Variants in NR5A1 observed in about 807,000 individuals in gnomAD.
NR5A1 encodes the protein nuclear receptor subfamily 5 group A member 1, also known as steroidogenic factor 1.
In NR5A1, 6 loss-of-function variants were observed where a neutral mutation model predicts 42.7. The observed-to-expected ratio is 0.14, with a 90% CI of 0.08 to 0.28. The LOEUF (loss-of-function observed/expected upper bound fraction) is 0.28. Among genes scored for constraint, NR5A1 ranks in the 10% least tolerant of loss-of-function variants. The pLI, the probability that NR5A1 is intolerant of heterozygous loss-of-function variation, is 1.00. For missense variants in NR5A1, 442 were observed against 626.4 expected, an observed-to-expected ratio of 0.71 and a Z score of 3.14; for synonymous variants, 274 against 277.5, an observed-to-expected ratio of 0.99 and a Z score of 0.12.
chr9:124,504,890 T>A (rs1465376469), intron 1 of NR5A1, among the ~76,000 whole-genome samples: 1 of 25,102 alleles, frequency 4.0e-5, no homozygotes, highest in Non-Finnish European at 9.1e-5. Flanking sequence ...CCGCCCCCCA[T>A]CCTGCCTCCC....
intron 5 of NR5A1, among the ~76,000 whole-genome samples, chr9:124,492,685 G>GC (rs1461410329): frequency 6.6e-6 from 1 of 152,070 alleles, no homozygotes; most frequent in Non-Finnish European, 1.5e-5. Context: ...CGTGGGGACT[G>GC]CCCCCCTCAT....
intron 4 of NR5A1, among the ~76,000 whole-genome samples, chr9:124,493,486 C>T (rs888886740): frequency 5.3e-5 from 8 of 152,206 alleles, no homozygotes; most frequent in Non-Finnish European, 8.8e-5. Flanking sequence ...GTTAGGTATG[C>T]CATACATGTT....
Position 124,482,463 on chromosome 9 carries a change from A to C in NR5A1, c.*295T>G, listed in dbSNP as rs1298672692. 2 of 448,996 alleles carry C rather than the reference A, an allele frequency of 4.5e-6. No individual in the cohort carries two copies. The highest frequency in any genetic ancestry group is 8.3e-6 in the Non-Finnish European group (2 of 242,080). 27.8% of individuals were successfully genotyped at this position (448,996 alleles called of 1,614,324 possible). On this transcript the variant is annotated 3_prime_UTR_variant, in exon 7 of 7. Coordinates refer to ENST00000373588, the MANE Select transcript of NR5A1 (RefSeq NM_004959.5). ...CTGCAGGCTTCAGACTCCAGGAGAG[A>C]GAGCTGGGAGCAGGGAGGGGGCGGG...
At chr9:124,485,735 A>G (rs1220837167) in intron 6 of NR5A1, among the ~76,000 whole-genome samples, 2 of 152,160 alleles carry the variant, frequency 1.3e-5, no homozygotes, top group African/African-American at 4.8e-5. Context: ...GCCCAACTGT[A>G]TGGAACAGCC....
rs770034922 is a variant in NR5A1, at chr9:124,500,274, T to C, written c.686A>G (p.Gln229Arg). Residue 229 changes from glutamine to arginine, a missense_variant, in exon 4 of 7, where the codon CAG (glutamine) becomes CGG (arginine). Physicochemically the swap from Gln to Arg is conservative, Grantham distance 43 (BLOSUM62 1). Around this residue, in one of 3 missense-constraint regions of NR5A1, gnomAD observed 208 missense variants for 203.8 expected, o/e 1.02. Coordinates refer to ENST00000373588, the MANE Select transcript of NR5A1 (RefSeq NM_004959.5). This position sits in a 1 kb window ranked among gnomAD's most constrained non-coding sequence, Gnocchi z 6.9. ...GGPNVPELIL[Q>R]LLQLEPDEDQ... ...CTCATCCGGCTCCAGCTGCAGCAGC[T>C]GCAGGATGAGCTCAGGCACGTTGGG... 13 of 1,582,304 alleles carry C rather than the reference T, an allele frequency of 8.2e-6. No individual in the cohort carries two copies. Among genetic ancestry groups the C allele is most frequent in the Non-Finnish European group, 1.1e-5 (13 of 1,164,614 alleles).
intron 1 of NR5A1, among the ~76,000 whole-genome samples, chr9:124,506,645 C>T (rs901652755): frequency 4.6e-5 from 7 of 152,192 alleles, no homozygotes; most frequent in South Asian, 2.1e-4. Flanking sequence ...CTCCAATCCC[C>T]TCTCCCCAAG....
At chr9:124,488,947 T>A (rs1271734296) in intron 6 of NR5A1, among the ~76,000 whole-genome samples, 1 of 152,224 alleles carries the variant, frequency 6.6e-6, no homozygotes, top group Non-Finnish European at 1.5e-5. Flanking sequence ...CTCTCAGGCC[T>A]CAGCTGCTGC....
chr9:124,506,712 G>T (rs1222309982), intron 1 of NR5A1, among the ~76,000 whole-genome samples: 6 of 152,162 alleles, frequency 3.9e-5, no homozygotes, highest in Admixed American at 3.9e-4. Context: ...AGGCTCCGAG[G>T]CACCCACCCC....
At chr9:124,502,874 C>T (rs1832489343) in intron 3 of NR5A1, among the ~76,000 whole-genome samples, 1 of 152,226 alleles carries the variant, frequency 6.6e-6, no homozygotes, top group Non-Finnish European at 1.5e-5. Context: ...TCAGCCCAAC[C>T]CAGGCTGGCC....
At chr9:124,491,482 C>T (rs905477966) in intron 5 of NR5A1, among the ~76,000 whole-genome samples, 7 of 152,166 alleles carry the variant, frequency 4.6e-5, no homozygotes, top group Admixed American at 1.3e-4. Flanking sequence ...ACGTTCTGCC[C>T]GCGTCCACCC....
intron 4 of NR5A1, among the ~76,000 whole-genome samples, chr9:124,495,904 G>C (rs2131282753): frequency 6.6e-6 from 1 of 152,324 alleles, no homozygotes; most frequent in South Asian, 2.1e-4. Context: ...CCCGTGCCCT[G>C]CATTCGAGCC....
intron 1 of NR5A1, among the ~76,000 whole-genome samples, chr9:124,504,024 C>CGAGAGAGAGAGAGAG (rs1554721940): frequency 9.4e-6 from 1 of 105,910 alleles, no homozygotes; most frequent in African/African-American, 5.9e-5. Flanking sequence ...GACAGGGAGA[C>CGAGAGAGAGAGAGAG]AGAGAGAGAG....
In NR5A1 at chr9:124,496,231, A is replaced by G. The variant is rs1171251848; in HGVS notation, c.871-3082T>C. On this transcript the variant is annotated intron_variant, in intron 4 of 6. Transcript: ENST00000373588. The surrounding 1 kb of genome is among the most constrained non-coding windows in gnomAD (Gnocchi z 5.0). ...ACAACCTCTTTTTATTTAAAAGAAA[A>G]CCACAGGGCCATAGCTGCCAGCCCC... Among the ~76,000 whole-genome samples the G allele has an allele frequency of 6.6e-6, 1 of 152,062 alleles. No individual in the cohort carries two copies. The highest frequency in any genetic ancestry group is 1.5e-5 in the Non-Finnish European group (1 of 67,994).
intron 4 of NR5A1, among the ~76,000 whole-genome samples, chr9:124,494,379 C>T (rs1012493827): frequency 2.0e-5 from 3 of 152,302 alleles, no homozygotes; most frequent in African/African-American, 7.2e-5. Context: ...CTCACTCACC[C>T]TCCTTGCCAT....
chr9:124,488,363 G>T (rs1184502795), intron 6 of NR5A1, among the ~76,000 whole-genome samples: 1 of 152,012 alleles, frequency 6.6e-6, no homozygotes, highest in Admixed American at 6.6e-5. Flanking sequence ...CCATCAGCTG[G>T]GGTCCTGGAA....
chr9:124,482,719 A>G lies in NR5A1; in HGVS notation c.*39T>C. 1.6e-4 allele frequency: 15 copies of G among 95,350 alleles called. No homozygotes were observed. The highest frequency in any genetic ancestry group is 2.9e-4 in the Non-Finnish European group (15 of 51,762). The allele number at this position is 95,350 out of a possible 1,614,324, so 5.9% of individuals were successfully genotyped here. A position where few individuals can be genotyped will look rare whatever the true frequency, so the allele number is the denominator to read the frequency against. On this transcript the variant is annotated 3_prime_UTR_variant, in exon 7 of 7. Coordinates refer to ENST00000373588, the MANE Select transcript of NR5A1 (RefSeq NM_004959.5). ...GCGGCCCCGCCCAGGCCCCGCCCCC[A>G]GTCCCGCCCCCAGTCCCGGCCCCGC...
chr9:124,505,002 G>C (rs113733516), intron 1 of NR5A1, among the ~76,000 whole-genome samples: 11 of 151,330 alleles, frequency 7.3e-5, no homozygotes, highest in Middle Eastern at 3.4e-3. Context: ...CGCCGGGGCC[G>C]GGGGCCGGCC....
chr9:124,500,888 T>C lies in NR5A1; in HGVS notation c.245-173A>G, dbSNP rs906077521. The C allele has an allele frequency of 4.8e-6, 5 of 1,038,834 alleles. No homozygotes were observed. The highest frequency in any genetic ancestry group is 4.0e-5 in the Admixed American group (2 of 50,506). 64.4% of individuals were successfully genotyped at this position (1,038,834 alleles called of 1,614,324 possible). ...CTCCTTTGCCTGGCATTCAAGGCCCTGCTCAGCTTTTCAGGCAATCCCTGC... is the reference window on the plus strand; with the variant it reads ...CTCCTTTGCCTGGCATTCAAGGCCCCGCTCAGCTTTTCAGGCAATCCCTGC... On this transcript the variant is annotated intron_variant, in intron 3 of 6. Coordinates refer to ENST00000373588, the MANE Select transcript of NR5A1 (RefSeq NM_004959.5). The surrounding 1 kb of genome is among the most constrained non-coding windows in gnomAD (Gnocchi z 6.9).
At chr9:124,491,036 C>CCCCCCCCCAGGGGGGG in intron 6 of NR5A1, 45 bp downstream of exon 6, 2 of 1,401,600 alleles carry the variant, frequency 1.4e-6, no homozygotes, top group Non-Finnish European at 1.9e-6. Context: ...CCCACCCACC[C>CCCCCCCCCAGGGGGGG]GCCTCTGGCT....
Sources: gnomAD v4.1 joint callset for allele counts (sites outside exome capture counted in the v4.1 genomes callset) on GRCh38, gnomAD v4.1.1 for gene constraint, gnomAD v4.1.1 regional missense constraint, Gnocchi (gnomAD v3.1) non-coding constraint, MANE v1.5 for transcripts, NCBI Gene and HGNC (gene_info 2026-07-23, HGNC 2026-07-21) for gene names.